Variants in GABBR2 observed in about 807,000 individuals in gnomAD.
The protein encoded by GABBR2 is gamma-aminobutyric acid type B receptor subunit 2.
A neutral mutation model predicts 105.6 loss-of-function variants in GABBR2; 23 were observed. The observed-to-expected ratio is 0.22, with a 90% CI of 0.16 to 0.31. The LOEUF (loss-of-function observed/expected upper bound fraction) is 0.31, where lower values mean the gene tolerates loss of function less well. Among genes scored for constraint, GABBR2 ranks in the 10% least tolerant of loss-of-function variants. The pLI is 1.00. For missense variants in GABBR2, 734 were observed against 1,245.5 expected (o/e 0.59, Z 6.18); for synonymous variants, 478 against 499.7 (o/e 0.96, Z 0.58).
At chr9:98,326,152 C>T (rs757419220) in intron 13 of GABBR2, among the ~76,000 whole-genome samples, 47 of 152,142 alleles carry the variant, frequency 3.1e-4, no homozygotes, top group South Asian at 8.3e-4. Flanking sequence ...AAGATGGGGC[C>T]GGGGGAATAA....
chr9:98,465,137 A>G (rs1826521432), intron 6 of GABBR2, among the ~76,000 whole-genome samples: 2 of 149,468 alleles, frequency 1.3e-5, no homozygotes, highest in African/African-American at 2.4e-5. Context: ...AAAAAAAAAA[A>G]AAAAAAAAAA....
At chr9:98,648,124 G>GTGTGTGTGTGTGTGTGT (rs1564140825) in intron 1 of GABBR2, among the ~76,000 whole-genome samples, 136 of 58,816 alleles carry the variant, frequency 2.3e-3, no homozygotes, top group Non-Finnish European at 3.5e-3. Flanking sequence ...TGTATAGATA[G>GTGTGTGTGTGTGTGTGT]ATAGATAGAT....
intron 1 of GABBR2, among the ~76,000 whole-genome samples, chr9:98,670,211 T>C (rs7873214): frequency 0.93 from 140,956 of 151,930 alleles, 65,512 homozygotes; most frequent in Middle Eastern, 0.97. Flanking sequence ...CAATACTTTC[T>C]AGTATATTCA....
At chr9:98,423,019 C>T (rs1194875455) in intron 7 of GABBR2, among the ~76,000 whole-genome samples, 1 of 152,146 alleles carries the variant, frequency 6.6e-6, no homozygotes, top group Non-Finnish European at 1.5e-5. Flanking sequence ...CATTGTTGGA[C>T]ATTTGGGTTG....
intron 6 of GABBR2, among the ~76,000 whole-genome samples, chr9:98,457,204 A>G (rs77779863): frequency 0.033 from 4,973 of 152,328 alleles, 147 homozygotes; most frequent in East Asian, 0.14. Flanking sequence ...ACGCAATGGC[A>G]TTCGAGGGTT....
chr9:98,493,611 C>T (rs1385756373), intron 4 of GABBR2, among the ~76,000 whole-genome samples: 1 of 152,218 alleles, frequency 6.6e-6, no homozygotes, highest in Non-Finnish European at 1.5e-5. Flanking sequence ...CCAATGCAGA[C>T]TCCAGTTCTA....
rs2808536 is a variant in GABBR2, at chr9:98,578,019, A to T, written c.375T>A (p.Pro125=). ...CGCCTCCAAACACCATCAAGTGGTT[A>T]GGCCCGTATTTTATTGCATCGTAGA... ...KAFYDAIKYG[P]NHLMVFGGVC... Residue 125 remains proline, a synonymous_variant, in exon 2 of 19, where the codon CCT becomes CCA. Transcript: ENST00000259455. 6 of 1,613,730 alleles carry T rather than the reference A, an allele frequency of 3.7e-6. No individual in the cohort carries two copies. The highest frequency in any genetic ancestry group is 4.5e-5 in the East Asian group (2 of 44,870).
intron 13 of GABBR2, among the ~76,000 whole-genome samples, chr9:98,321,709 T>C (rs897352378): frequency 2.6e-5 from 4 of 152,112 alleles, no homozygotes; most frequent in African/African-American, 9.7e-5. Context: ...CCCTCAGACA[T>C]GGCATGGTAC....
chr9:98,329,429 T>C (rs530162913), intron 13 of GABBR2, among the ~76,000 whole-genome samples: 41 of 152,336 alleles, frequency 2.7e-4, no homozygotes, highest in African/African-American at 9.1e-4. Context: ...AAACCAGCCC[T>C]GCCTGGGGGC....
intron 1 of GABBR2, among the ~76,000 whole-genome samples, chr9:98,658,950 C>T (rs1032438058): frequency 6.6e-6 from 1 of 152,192 alleles, no homozygotes; most frequent in African/African-American, 2.4e-5. Context: ...AAGAACTTTT[C>T]TTCCATGTAC....
chr9:98,371,500 G>T lies in GABBR2; in HGVS notation c.1734C>A (p.Val578=). The change falls in exon 12 of 19, where the codon GTC becomes GTA. Residue 578 remains valine, a synonymous_variant. Transcript: ENST00000259455. ...FGAMFAKTWR[V]HAIFKNVKMK... is the part of the protein sequence containing the mutation. ...TTTTCACATTTTTGAAGATGGCGTG[G>T]ACTCTCCAGGTCTTTGCAAACATGG... 6.2e-7 allele frequency: 1 copy of T among 1,608,278 alleles called. No homozygotes were observed. Among genetic ancestry groups the T allele is most frequent in the Non-Finnish European group, 8.5e-7 (1 of 1,174,712 alleles).
At chr9:98,637,083 T>C (rs189481382) in intron 1 of GABBR2, among the ~76,000 whole-genome samples, 1 of 152,280 alleles carries the variant, frequency 6.6e-6, no homozygotes, top group East Asian at 1.9e-4. Context: ...TTTGAAGAGC[T>C]GCAACCCTTA....
In GABBR2 at chr9:98,708,606, C is replaced by G; in HGVS notation, c.132G>C (p.Arg44=). ...PLAPGAWGWA[R]GAPRPPPSSP... is the part of the protein sequence containing the mutation. ...TGCTGGGCGGCGGCCGGGGGGCGCC[C>G]CGCGCCCAGCCCCAGGCCCCGGGCG... The change falls in exon 1 of 19, where the codon CGG becomes CGC. Residue 44 remains arginine (R), a synonymous_variant. Transcript: ENST00000259455. 7.1e-7 allele frequency: 1 copy of G among 1,402,432 alleles called. No individual in the cohort carries two copies. Among genetic ancestry groups the G allele is most frequent in the Non-Finnish European group, 9.3e-7 (1 of 1,075,848 alleles). The allele number at this position is 1,402,432 out of a possible 1,614,324, so 86.9% of individuals were successfully genotyped here.
At chr9:98,450,647 A>G (rs867661766) in intron 7 of GABBR2, among the ~76,000 whole-genome samples, 49 of 151,276 alleles carry the variant, frequency 3.2e-4, no homozygotes, top group African/African-American at 1.2e-3. Flanking sequence ...GACCTCAGAC[A>G]CTCATCTACA....
chr9:98,486,760 G>A (rs756718798), intron 4 of GABBR2, among the ~76,000 whole-genome samples: 6 of 152,340 alleles, frequency 3.9e-5, no homozygotes, highest in South Asian at 2.1e-4. Context: ...CTAAGGCTTC[G>A]GAAGCCCAGG....
chr9:98,334,472 T>C, intron 13 of GABBR2, among the ~76,000 whole-genome samples: 1 of 152,232 alleles, frequency 6.6e-6, no homozygotes. Flanking sequence ...AGCTTTAGTT[T>C]CCTCTGATGA....
At chr9:98,681,516 T>C (rs997820713) in intron 1 of GABBR2, among the ~76,000 whole-genome samples, 2 of 151,638 alleles carry the variant, frequency 1.3e-5, no homozygotes, top group Non-Finnish European at 2.9e-5. Flanking sequence ...CGTACCAGCA[T>C]GGCACATGTA....
chr9:98,592,277 ATCCCT>A (rs1829158197), intron 1 of GABBR2, among the ~76,000 whole-genome samples: 1 of 152,198 alleles, frequency 6.6e-6, no homozygotes, highest in South Asian at 2.1e-4. Flanking sequence ...GATCTCTCAG[ATCCCT>A]TCCAGCCTAC....
chr9:98,666,432 C>T (rs750454779), intron 1 of GABBR2, among the ~76,000 whole-genome samples: 2 of 152,186 alleles, frequency 1.3e-5, no homozygotes, highest in African/African-American at 2.4e-5. Context: ...AGAGACATTG[C>T]CCCCAAAAGA....
Sources: gnomAD v4.1 joint callset for allele counts (sites outside exome capture counted in the v4.1 genomes callset) on GRCh38, gnomAD v4.1.1 for gene constraint, MANE v1.5 for transcripts, NCBI Gene and HGNC (gene_info 2026-07-23, HGNC 2026-07-21) for gene names.